Variants in SUMF1 observed in about 807,000 individuals in gnomAD.
SUMF1 encodes the protein formylglycine-generating enzyme.
A neutral mutation model predicts 47.6 loss-of-function variants in SUMF1; 48 were observed. The observed-to-expected ratio is 1.01, with a 90% confidence interval of 0.80 to 1.28. SUMF1 has a LOEUF of 1.28. Ranked by LOEUF, SUMF1 falls within the 50% of genes most tolerant of loss-of-function variation. SUMF1 has a pLI of 0.00. For synonymous variants in SUMF1, 230 were observed against 192.1 expected (o/e 1.20, Z -1.63); for missense variants, 571 against 485.4 (o/e 1.18, Z -1.66).
intron 8 of SUMF1, chr3:4,313,876 C>T: frequency 1.3e-6 from 2 of 1,524,826 alleles, no homozygotes; most frequent in Non-Finnish European, 1.8e-6. Flanking sequence ...GCAGAGACTG[C>T]AAGTTGTCCA....
intron 8 of SUMF1, among the ~76,000 whole-genome samples, chr3:4,167,111 A>C (rs1369425501): frequency 2.6e-5 from 4 of 152,098 alleles, no homozygotes; most frequent in African/African-American, 4.8e-5. Flanking sequence ...TGGTGGGTTC[A>C]TGATCTCACT....
At chr3:4,286,585 C>G (rs973928346) in intron 8 of SUMF1, among the ~76,000 whole-genome samples, 2 of 152,058 alleles carry the variant, frequency 1.3e-5, no homozygotes, top group Non-Finnish European at 2.9e-5. Context: ...ATCACACCAG[C>G]AGTCATGTTC....
chr3:4,065,398 A>G (rs141746391), intron 9 of SUMF1, among the ~76,000 whole-genome samples: 1 of 152,276 alleles, frequency 6.6e-6, no homozygotes, highest in East Asian at 1.9e-4. Flanking sequence ...ATTTGCATGT[A>G]AATCTGCAGT....
chr3:4,406,537 G>T (rs902915551), intron 7 of SUMF1, among the ~76,000 whole-genome samples: 13 of 152,276 alleles, frequency 8.5e-5, no homozygotes, highest in Middle Eastern at 6.8e-3. Context: ...ACGGGCACCT[G>T]TAATCCCAGC....
intron 8 of SUMF1, among the ~76,000 whole-genome samples, chr3:4,275,326 G>A (rs1697389572): frequency 6.6e-6 from 1 of 152,016 alleles, no homozygotes; most frequent in South Asian, 2.1e-4. Flanking sequence ...GCATGATTGG[G>A]GCACCACTTC....
rs375730865 is a variant in SUMF1, at chr3:4,203,256, T to C, written c.1015-134511A>G. ...TAGCTCTAATAATATTTGCTTTATATATTTGGGTGCTTCAGTGTTGGATGA... is the reference window on the plus strand; with the variant it reads ...TAGCTCTAATAATATTTGCTTTATACATTTGGGTGCTTCAGTGTTGGATGA... On this transcript the variant is annotated intron_variant and NMD_transcript_variant, in intron 8 of 12. Transcript: ENST00000448413. Among the ~76,000 whole-genome samples, 3 of 152,052 alleles carry C rather than the reference T, an allele frequency of 2.0e-5. No individual in the cohort carries two copies. In the East Asian group the frequency reaches 5.8e-4, roughly 29 times the overall value.
At chr3:4,180,683 A>AACACACAC (rs59921396) in intron 8 of SUMF1, among the ~76,000 whole-genome samples, 10 of 139,638 alleles carry the variant, frequency 7.2e-5, no homozygotes, top group East Asian at 6.3e-4. Flanking sequence ...CCTAGAACTT[A>AACACACAC]ACACACACAC....
At chr3:4,379,201 G>A (rs373264838) in intron 7 of SUMF1, among the ~76,000 whole-genome samples, 3 of 152,370 alleles carry the variant, frequency 2.0e-5, no homozygotes, top group East Asian at 3.9e-4. Context: ...GTTGAAGAGT[G>A]TTCCCAAAAT....
chr3:4,211,319 C>T (rs550020150), intron 8 of SUMF1, among the ~76,000 whole-genome samples: 1 of 149,702 alleles, frequency 6.7e-6, no homozygotes, highest in South Asian at 2.1e-4. Context: ...TCCTCTCCTT[C>T]CTCTAACCTC....
At chr3:4,253,057 A>T (rs1696843189) in intron 8 of SUMF1, among the ~76,000 whole-genome samples, 1 of 152,212 alleles carries the variant, frequency 6.6e-6, no homozygotes, top group Non-Finnish European at 1.5e-5. Flanking sequence ...TAAATTTTTT[A>T]AAAATCTAGC....
In SUMF1 at chr3:4,169,065, G is replaced by A. The variant is rs760061433; in HGVS notation, c.1015-100320C>T. On this transcript the variant is annotated intron_variant and NMD_transcript_variant, in intron 8 of 12. Coordinates refer to the SUMF1 transcript ENST00000448413. ...AAGTAGATAGAAAACTGTAATTGTT[G>A]TCTCTTTTCCTGAAGTAAGGCAAAG... 2.6e-5 allele frequency among the ~76,000 whole-genome samples: 4 copies of A among 152,210 alleles called. No homozygotes were observed. The East Asian group carries it at 5.8e-4, about 22-fold the overall frequency.
At chr3:4,277,889 G>A (rs1321058343) in intron 8 of SUMF1, among the ~76,000 whole-genome samples, 8 of 152,056 alleles carry the variant, frequency 5.3e-5, no homozygotes, top group Non-Finnish European at 8.8e-5. Flanking sequence ...AGGTATTGAC[G>A]TGGTAATCTA....
At chr3:4,339,181 T>A (rs1263139206) in intron 8 of SUMF1, among the ~76,000 whole-genome samples, 1 of 152,202 alleles carries the variant, frequency 6.6e-6, no homozygotes, top group African/African-American at 2.4e-5. Flanking sequence ...TCATGCTGCT[T>A]TCCTCTCTTG....
intron 8 of SUMF1, among the ~76,000 whole-genome samples, chr3:4,295,595 T>C (rs1353875409): frequency 6.6e-6 from 1 of 152,170 alleles, no homozygotes; most frequent in Non-Finnish European, 1.5e-5. Context: ...AAAGCAAGTC[T>C]GCTCTCATAG....
chr3:4,380,585 G>A (rs1043814934), intron 7 of SUMF1, among the ~76,000 whole-genome samples: 1 of 152,110 alleles, frequency 6.6e-6, no homozygotes, highest in Non-Finnish European at 1.5e-5. Flanking sequence ...ATGAAAGTTG[G>A]AAAGAAAAAC....
At chr3:4,375,606 G>C (rs1260743337) in intron 8 of SUMF1, among the ~76,000 whole-genome samples, 1 of 152,142 alleles carries the variant, frequency 6.6e-6, no homozygotes, top group African/African-American at 2.4e-5. Flanking sequence ...TAACCACCTG[G>C]ACTGAATAAA....
At chr3:4,386,904 C>A (rs1484921022) in intron 7 of SUMF1, among the ~76,000 whole-genome samples, 2 of 150,048 alleles carry the variant, frequency 1.3e-5, no homozygotes, top group African/African-American at 4.9e-5. Context: ...TGGTAGATTA[C>A]ACTGACTGAT....
At chr3:4,209,628 T>C (rs567124826) in intron 8 of SUMF1, among the ~76,000 whole-genome samples, 1 of 151,994 alleles carries the variant, frequency 6.6e-6, no homozygotes, top group East Asian at 1.9e-4. Flanking sequence ...AACAACAATA[T>C]AATAGAAAAA....
chr3:4,073,751 T>C (rs1087828), intron 8 of SUMF1, among the ~76,000 whole-genome samples: 55,154 of 151,834 alleles, frequency 0.36, 10,394 homozygotes, highest in Admixed American at 0.47. Flanking sequence ...AAGGCCATTA[T>C]ATAATGGTAA....
Sources: allele counts gnomAD v4.1 joint callset (sites outside exome capture counted in the v4.1 genomes callset), GRCh38; gene constraint gnomAD v4.1.1; transcripts MANE v1.5; gene names NCBI Gene and HGNC (gene_info 2026-07-23, HGNC 2026-07-21).